Variants in INHBB observed in about 807,000 individuals in gnomAD.
INHBB encodes the protein inhibin beta B chain.
INHBB carries 8 observed loss-of-function variants against 28.9 expected under a neutral mutation model. The observed-to-expected ratio is 0.28, with a 90% CI of 0.16 to 0.50. The LOEUF is 0.50. Ranked by LOEUF, INHBB falls within the 20% of genes least tolerant of loss-of-function variation. The pLI, the probability that INHBB is intolerant of heterozygous loss-of-function variation, is 0.98. For synonymous variants in INHBB, 293 were observed against 262.7 expected (o/e 1.12, Z -1.12); for missense variants, 499 against 597.8 (o/e 0.83, Z 1.72).
intron 1 of INHBB, among the ~76,000 whole-genome samples, chr2:120,348,889 T>C (rs1691207461): frequency 6.6e-6 from 1 of 152,100 alleles, no homozygotes; most frequent in Non-Finnish European, 1.5e-5. Flanking sequence ...AGCCCCAGCC[T>C]GGTCCGGGTT....
intron 1 of INHBB, among the ~76,000 whole-genome samples, chr2:120,347,288 T>C (rs1035563288): frequency 7.2e-5 from 11 of 152,040 alleles, no homozygotes; most frequent in African/African-American, 2.7e-4. Flanking sequence ...AAAGCCGCGG[T>C]TCGGGGACAG....
chr2:120,346,512 C>T lies in INHBB; in HGVS notation c.324C>T (p.Arg108=). The stretch of plus-strand genomic sequence containing the variant: ...AGGCCGCCATGGTCACGGCCCTGCG[C>T]AAGCTGCACGCGGGCAAGGTGCGCG... The part of the protein sequence containing the change: ...VPKAAMVTAL[R]KLHAGKVRED... Residue 108 remains arginine, a synonymous_variant, in exon 1 of 2, where the codon CGC becomes CGT. Transcript: ENST00000295228. 6.5e-7 allele frequency: 1 copy of T among 1,539,544 alleles called. No individual in the cohort carries two copies. Among genetic ancestry groups the T allele is most frequent in the Non-Finnish European group, 8.7e-7 (1 of 1,150,652 alleles).
chr2:120,349,583 C>G lies in INHBB; in HGVS notation c.933C>G (p.Asp311Glu). ...GTTGCAGGCAACAGTTCTTCATTGA[C>G]TTCCGCCTCATCGGCTGGAACGACT... ...NLCCRQQFFI[D>E]FRLIGWNDWI... Residue 311 changes from aspartate to glutamate, a missense_variant, in exon 2 of 2, where the codon GAC becomes GAG. This residue lies in a region of INHBB where 114 missense variants were observed against 182.6 expected (regional missense o/e 0.62). Transcript: ENST00000295228. The surrounding 1 kb of genome is among the most constrained non-coding windows in gnomAD (Gnocchi z 5.6). The G allele has an allele frequency of 1.2e-6, 2 of 1,614,152 alleles. No homozygotes were observed. The highest frequency in any genetic ancestry group is 1.7e-6 in the Non-Finnish European group (2 of 1,180,042).
At position 120,350,319 on chromosome 2, in the gene INHBB, G is replaced by A. The variant is rs1048221588; in HGVS notation, c.*445G>A. ...ACAAAGACAGAGACGCAGAGAGAGA[G>A]AGAGAGCCACGGAGAGGAAAAGCAG... On this transcript the variant is annotated 3_prime_UTR_variant, in exon 2 of 2. Transcript: ENST00000295228. 5.6e-6 allele frequency: 1 copy of A among 177,124 alleles called. No homozygotes were observed. The highest frequency in any genetic ancestry group is 2.4e-5 in the African/African-American group (1 of 42,112). The allele number at this position is 177,124 out of a possible 1,614,324, so 11.0% of individuals were successfully genotyped here.
chr2:120,349,295 G>A lies in INHBB; in HGVS notation c.645G>A (p.Val215=), dbSNP rs1476519671. The A allele has an allele frequency of 6.2e-7, 1 of 1,614,070 alleles. No homozygotes were observed. Among genetic ancestry groups the A allele is most frequent in the Non-Finnish European group, 8.5e-7 (1 of 1,180,044 alleles). Residue 215 remains valine (V), a synonymous_variant, in exon 2 of 2, where the codon GTG becomes GTA. Coordinates refer to ENST00000295228, the MANE Select transcript of INHBB (RefSeq NM_002193.4). This position sits in a 1 kb window ranked among gnomAD's most constrained non-coding sequence, Gnocchi z 5.6. ...GCCACGGTGACAGGTGGAACATGGT[G>A]GAGAAGAGGGTGGACCTCAAGCGCA... ...EQGHGDRWNM[V]EKRVDLKRSG...
chr2:120,346,306 C>T lies in INHBB; in HGVS notation c.118C>T (p.Pro40Ser), dbSNP rs1308329060. 1.5e-6 allele frequency: 2 copies of T among 1,378,108 alleles called. No homozygotes were observed. Among genetic ancestry groups the T allele is most frequent in the African/African-American group, 3.1e-5 (2 of 65,030 alleles). The allele number at this position is 1,378,108 out of a possible 1,614,324, so 85.4% of individuals were successfully genotyped here. A position where few individuals can be genotyped will look rare whatever the true frequency, so the allele number is the denominator to read the frequency against. The change falls in exon 1 of 2, where the codon CCG (proline) becomes TCG (serine). Residue 40 changes from proline (P) to serine (S), a missense_variant. Physicochemically the swap from Pro to Ser is moderately conservative, Grantham distance 74 (BLOSUM62 -1). This residue lies in a region of INHBB where 385 missense variants were observed against 415.2 expected (regional missense o/e 0.93). Transcript: ENST00000295228. The stretch of plus-strand genomic sequence containing the variant: ...GCCCCCGCCGACGCCTGCCGCGCCG[C>T]CGCCACCCCCGCCACCCGGATCCCC... ...PTPPPTPAAP[P>S]PPPPPGSPGG...
chr2:120,346,597 C>A lies in INHBB; in HGVS notation c.409C>A (p.Gln137Lys). The part of the protein sequence containing the change: ...DGHASPGADG[Q>K]ERVSEIISFA... ...CCACGCCAGCCCGGGCGCCGACGGC[C>A]AGGAGCGCGTTTCCGAAATCATCAG... Residue 137 changes from glutamine (Q) to lysine (K), a missense_variant, in exon 1 of 2, where the codon CAG (glutamine) becomes AAG (lysine). Physicochemically the swap from Gln to Lys is moderately conservative, Grantham distance 53. Around this residue, in one of 2 missense-constraint regions of INHBB, gnomAD observed 385 missense variants for 415.2 expected, o/e 0.93. Coordinates refer to ENST00000295228, the MANE Select transcript of INHBB (RefSeq NM_002193.4). 1 of 1,454,934 alleles carries A rather than the reference C, an allele frequency of 6.9e-7. No homozygotes were observed. Among genetic ancestry groups the A allele is most frequent in the South Asian group, 1.4e-5 (1 of 70,438 alleles). 90.1% of individuals were successfully genotyped at this position (1,454,934 alleles called of 1,614,324 possible). A position where few individuals can be genotyped will look rare whatever the true frequency, so the allele number is the denominator to read the frequency against.
In INHBB at chr2:120,346,169, C is replaced by G. The variant is rs1015414156; in HGVS notation, c.-20C>G. On this transcript the variant is annotated 5_prime_UTR_variant, in exon 1 of 2. Transcript: ENST00000295228. Reference sequence around the variant, plus strand: ...CTCGGCTCGCCTCGCGGCGGGCGCCCTCGTCGCCAGCGGCGCACCATGGAC... The same window carrying G: ...CTCGGCTCGCCTCGCGGCGGGCGCCGTCGTCGCCAGCGGCGCACCATGGAC... The G allele has an allele frequency of 9.6e-5, 110 of 1,144,118 alleles. No homozygotes were observed. The highest frequency in any genetic ancestry group is 1.1e-4 in the Non-Finnish European group (103 of 933,382). 70.9% of individuals were successfully genotyped at this position (1,144,118 alleles called of 1,614,324 possible).
rs774890593 is a variant in INHBB at position 120,349,442 on chromosome 2, C to T, written c.792C>T (p.Phe264=). The change falls in exon 2 of 2, where the codon TTC becomes TTT. Residue 264 remains phenylalanine (F), a synonymous_variant. Transcript: ENST00000295228. This position sits in a 1 kb window ranked among gnomAD's most constrained non-coding sequence, Gnocchi z 5.6. ...AGGAGCTGGCCGTGGTGCCGGTGTT[C>T]GTGGACCCAGGCGAAGAGTCGCACC... ...SCQELAVVPV[F]VDPGEESHRP... The T allele has an allele frequency of 1.9e-5, 30 of 1,613,534 alleles. No homozygotes were observed. Among genetic ancestry groups the T allele is most frequent in the Non-Finnish European group, 2.3e-5 (27 of 1,180,044 alleles).
rs1691238035 is a variant in INHBB at position 120,350,351 on chromosome 2, G to A, written c.*477G>A. On this transcript the variant is annotated 3_prime_UTR_variant, in exon 2 of 2. Coordinates refer to ENST00000295228, the MANE Select transcript of INHBB (RefSeq NM_002193.4). Reference sequence around the variant, plus strand: ...CCACGGAGAGGAAAAGCAGATGCAGGGGTGGGGAGCGCAGCTCGGCGGAGG... The same window carrying A: ...CCACGGAGAGGAAAAGCAGATGCAGAGGTGGGGAGCGCAGCTCGGCGGAGG... The A allele has an allele frequency of 5.9e-6, 1 of 170,010 alleles. No homozygotes were observed. The highest frequency in any genetic ancestry group is 2.4e-5 in the African/African-American group (1 of 41,818). 10.5% of individuals were successfully genotyped at this position (170,010 alleles called of 1,614,324 possible). A position where few individuals can be genotyped will look rare whatever the true frequency, so the allele number is the denominator to read the frequency against.
rs1691259755 is a variant in INHBB, at chr2:120,351,573, T to C, written c.*1699T>C. The C allele has an allele frequency of 6.6e-6, 1 of 152,204 alleles. No individual in the cohort carries two copies. Among genetic ancestry groups the C allele is most frequent in the Admixed American group, 6.5e-5 (1 of 15,282 alleles). 9.4% of individuals were successfully genotyped at this position (152,204 alleles called of 1,614,324 possible). A position where few individuals can be genotyped will look rare whatever the true frequency, so the allele number is the denominator to read the frequency against. On this transcript the variant is annotated 3_prime_UTR_variant, in exon 2 of 2. Transcript: ENST00000295228. ...TTTCAGGGTATGAATGGATTTTGTTTATTCGGTTTGATGTGTCTTTTCCAT... is the reference window on the plus strand; with the variant it reads ...TTTCAGGGTATGAATGGATTTTGTTCATTCGGTTTGATGTGTCTTTTCCAT...
chr2:120,349,312 T>G lies in INHBB; in HGVS notation c.662T>G (p.Leu221Arg), dbSNP rs1434647363. Residue 221 changes from leucine to arginine, a missense_variant, in exon 2 of 2, where the codon CTC becomes CGC. This residue lies in a region of INHBB where 385 missense variants were observed against 415.2 expected (regional missense o/e 0.93). Transcript: ENST00000295228. The surrounding 1 kb of genome is among the most constrained non-coding windows in gnomAD (Gnocchi z 5.6). ...AACATGGTGGAGAAGAGGGTGGACCTCAAGCGCAGCGGCTGGCATACCTTC... is the reference window on the plus strand; with the variant it reads ...AACATGGTGGAGAAGAGGGTGGACCGCAAGCGCAGCGGCTGGCATACCTTC... ...RWNMVEKRVD[L>R]KRSGWHTFPL... is the part of the protein sequence containing the mutation. 1.2e-6 allele frequency: 2 copies of G among 1,613,994 alleles called. No homozygotes were observed. The highest frequency in any genetic ancestry group is 3.3e-5 in the Admixed American group (2 of 60,008).
chr2:120,348,753 TA>T (rs1691205749), intron 1 of INHBB, among the ~76,000 whole-genome samples: 2 of 145,950 alleles, frequency 1.4e-5, no homozygotes, highest in African/African-American at 5.0e-5. Context: ...CAGATACCCA[TA>T]ACAACTTGTT....
In INHBB at chr2:120,350,448, A is replaced by T. The variant is rs1371327816; in HGVS notation, c.*574A>T. The T allele has an allele frequency of 1.3e-5, 2 of 154,026 alleles. No individual in the cohort carries two copies. The highest frequency in any genetic ancestry group is 3.8e-4 in the East Asian group (2 of 5,206). The allele number at this position is 154,026 out of a possible 1,614,324, so 9.5% of individuals were successfully genotyped here. ...ATGTCTGCTTCTTCCCCAGCCTGGG[A>T]TCCTTCGTGCTTCAAGGCCTGGGGA... On this transcript the variant is annotated 3_prime_UTR_variant, in exon 2 of 2. Coordinates refer to ENST00000295228, the MANE Select transcript of INHBB (RefSeq NM_002193.4).
In INHBB at chr2:120,349,230, C is replaced by G; in HGVS notation, c.580C>G (p.Arg194Gly). 1.2e-6 allele frequency: 2 copies of G among 1,614,186 alleles called. No individual in the cohort carries two copies. Among genetic ancestry groups the G allele is most frequent in the Non-Finnish European group, 1.7e-6 (2 of 1,180,050 alleles). The change falls in exon 2 of 2, where the codon CGG becomes GGG. Residue 194 changes from arginine (R) to glycine (G), a missense_variant. Coordinates refer to ENST00000295228, the MANE Select transcript of INHBB (RefSeq NM_002193.4). The surrounding 1 kb of genome is among the most constrained non-coding windows in gnomAD (Gnocchi z 5.6). ...GCCCTACGTCCTGGAGAAGGGCAGC[C>G]GGCGGAAGGTGCGGGTCAAAGTGTA... ...LLPYVLEKGS[R>G]RKVRVKVYFQ...
rs1691261011 is a variant in INHBB at position 120,351,659 on chromosome 2, A to C, written c.*1785A>C. The C allele has an allele frequency of 6.6e-6, 1 of 152,248 alleles. No homozygotes were observed. Among genetic ancestry groups the C allele is most frequent in the Non-Finnish European group, 1.5e-5 (1 of 68,044 alleles). The allele number at this position is 152,248 out of a possible 1,614,324, so 9.4% of individuals were successfully genotyped here. A position where few individuals can be genotyped will look rare whatever the true frequency, so the allele number is the denominator to read the frequency against. ...TGATAGAATGCAGGTGTGTATCCTT[A>C]AATCCTCATCTTTATGTTTATTTAA... On this transcript the variant is annotated 3_prime_UTR_variant, in exon 2 of 2. Transcript: ENST00000295228.
intron 1 of INHBB, among the ~76,000 whole-genome samples, chr2:120,347,753 GAA>G (rs1691186990): frequency 6.6e-6 from 1 of 152,242 alleles, no homozygotes; most frequent in Non-Finnish European, 1.5e-5. Flanking sequence ...GAAAAGGGAT[GAA>G]AAGTTTTGCA....
Position 120,350,120 on chromosome 2 carries a change from A to G in INHBB, c.*246A>G. 2.0e-6 allele frequency: 1 copy of G among 507,954 alleles called. No individual in the cohort carries two copies. Among genetic ancestry groups the G allele is most frequent in the Non-Finnish European group, 3.5e-6 (1 of 286,122 alleles). The allele number at this position is 507,954 out of a possible 1,614,324, so 31.5% of individuals were successfully genotyped here. On this transcript the variant is annotated 3_prime_UTR_variant, in exon 2 of 2. Coordinates refer to ENST00000295228, the MANE Select transcript of INHBB (RefSeq NM_002193.4). Reference sequence around the variant, plus strand: ...AATGCACACGTAGCCACGCACAGCCAGACGCATCCTGCCACCCACACAGCA... The same window carrying G: ...AATGCACACGTAGCCACGCACAGCCGGACGCATCCTGCCACCCACACAGCA...
At chr2:120,347,381 C>T (rs1691176170) in intron 1 of INHBB, among the ~76,000 whole-genome samples, 1 of 149,348 alleles carries the variant, frequency 6.7e-6, no homozygotes, top group South Asian at 2.2e-4. Flanking sequence ...GGGTATGGCT[C>T]CTTTCTGGAA....
Sources: gnomAD v4.1 joint callset for allele counts (sites outside exome capture counted in the v4.1 genomes callset) on GRCh38, gnomAD v4.1.1 for gene constraint, gnomAD v4.1.1 regional missense constraint, Gnocchi (gnomAD v3.1) non-coding constraint, MANE v1.5 for transcripts, NCBI Gene and HGNC (gene_info 2026-07-23, HGNC 2026-07-21) for gene names.